KSR2: variants seen among roughly 807,000 people sequenced by gnomAD.
KSR2 encodes kinase suppressor of ras 2.
Under a neutral mutation model 107.8 loss-of-function variants are expected in KSR2, and 25 were observed. That is an observed-to-expected ratio of 0.23 (90% CI 0.17 to 0.32). The LOEUF is 0.32. Ranked by LOEUF, KSR2 falls within the 10% of genes least tolerant of loss-of-function variation. The pLI is 1.00. For synonymous variants in KSR2, 480 were observed against 507.0 expected, an observed-to-expected ratio of 0.95 and a Z score of 0.71; for missense variants, 887 against 1,268.9, an observed-to-expected ratio of 0.70 and a Z score of 4.57.
chr12:117,554,175 C>A (rs939486697), intron 9 of KSR2, among the ~76,000 whole-genome samples: 1 of 152,080 alleles, frequency 6.6e-6, no homozygotes, highest in African/African-American at 2.4e-5. Flanking sequence ...GCTGGGCATA[C>A]CCCCGGGATA....
intron 3 of KSR2, among the ~76,000 whole-genome samples, chr12:117,837,256 G>A (rs558773767): frequency 2.6e-5 from 4 of 152,248 alleles, no homozygotes; most frequent in Non-Finnish European, 5.9e-5. Context: ...TGCTGTAGCT[G>A]GGTCAAGCCC....
At chr12:117,690,697 A>G (rs1885777335) in intron 4 of KSR2, among the ~76,000 whole-genome samples, 2 of 152,250 alleles carry the variant, frequency 1.3e-5, no homozygotes, top group African/African-American at 4.8e-5. Flanking sequence ...GCTGTGTGTT[A>G]CTCATTTAAA....
chr12:117,593,536 C>T (rs902497096), intron 5 of KSR2, among the ~76,000 whole-genome samples: 5 of 152,236 alleles, frequency 3.3e-5, no homozygotes, highest in African/African-American at 9.6e-5. Context: ...CCCTCTTTTG[C>T]CCGAGTTGGA....
At chr12:117,688,998 A>G (rs1194574945) in intron 4 of KSR2, among the ~76,000 whole-genome samples, 1 of 152,112 alleles carries the variant, frequency 6.6e-6, no homozygotes, top group African/African-American at 2.4e-5. Context: ...AGATTCACAC[A>G]TATAGTCAAA....
chr12:117,936,499 CATTATTATTATTTTATTATT>C (rs1489809212), intron 1 of KSR2, among the ~76,000 whole-genome samples: 1 of 147,642 alleles, frequency 6.8e-6, no homozygotes, highest in Non-Finnish European at 1.5e-5. Context: ...GCTACTTTAT[CATTATTATTATTTTATTATT>C]ATTATTATTA....
chr12:117,717,751 C>A (rs1163758820), intron 4 of KSR2, among the ~76,000 whole-genome samples: 1 of 151,080 alleles, frequency 6.6e-6, no homozygotes, highest in African/African-American at 2.4e-5. Flanking sequence ...CTGTCCTAAT[C>A]AGCTTACTCC....
chr12:117,618,735 G>C (rs1387487576), intron 5 of KSR2, among the ~76,000 whole-genome samples: 1 of 152,066 alleles, frequency 6.6e-6, no homozygotes, highest in African/African-American at 2.4e-5. Flanking sequence ...CACCATGTAA[G>C]AATGTAAGAC....
intron 3 of KSR2, among the ~76,000 whole-genome samples, chr12:117,825,921 G>T (rs968498603): frequency 1.4e-5 from 2 of 140,730 alleles, no homozygotes; most frequent in Middle Eastern, 3.6e-3. Context: ...GTGGATGGGT[G>T]GATGGGTGGG....
chr12:117,576,621 C>T (rs866197773), intron 7 of KSR2, among the ~76,000 whole-genome samples: 1 of 152,026 alleles, frequency 6.6e-6, no homozygotes, highest in Non-Finnish European at 1.5e-5. Flanking sequence ...CCCCAGCCTC[C>T]CAAGTATCTA....
intron 1 of KSR2, among the ~76,000 whole-genome samples, chr12:117,939,176 C>G (rs925247750): frequency 6.6e-6 from 1 of 152,066 alleles, no homozygotes; most frequent in South Asian, 2.1e-4. Context: ...TCAGGAAATA[C>G]CTGATTGAGG....
chr12:117,530,022 A>G (rs1214001126), intron 12 of KSR2, among the ~76,000 whole-genome samples: 3 of 152,154 alleles, frequency 2.0e-5, no homozygotes, highest in African/African-American at 7.2e-5. Flanking sequence ...CTCTGTCTCA[A>G]AACAAACAAA....
chr12:117,835,755 T>G (rs1892182876), intron 3 of KSR2, among the ~76,000 whole-genome samples: 1 of 151,974 alleles, frequency 6.6e-6, no homozygotes, highest in African/African-American at 2.4e-5. Flanking sequence ...TTCCAAGGCA[T>G]GGGACAGTCC....
intron 5 of KSR2, among the ~76,000 whole-genome samples, chr12:117,625,897 T>C (rs540901279): frequency 2.0e-5 from 3 of 152,318 alleles, no homozygotes; most frequent in Admixed American, 2.0e-4. Flanking sequence ...ATTAGTCTAT[T>C]CAGAGATTCA....
rs192372406 is a variant in KSR2 at position 117,834,625 on chromosome 12, C to T, written c.472+20803G>A. Among the ~76,000 whole-genome samples, 112 of 152,270 alleles carry T rather than the reference C, an allele frequency of 7.4e-4. 1 individual carries two copies. Among genetic ancestry groups the T allele is most frequent in the African/African-American group, 2.7e-3 (111 of 41,562 alleles). ...GGGGTTTATTCTCCTAGAAAACTTC[C>T]CCTGACCTTGCTCGGGCTGCGGTGA... On this transcript the variant is annotated intron_variant, in intron 3 of 19. Transcript: ENST00000339824.
At chr12:117,678,449 G>A (rs1885233926) in intron 4 of KSR2, among the ~76,000 whole-genome samples, 1 of 152,074 alleles carries the variant, frequency 6.6e-6, no homozygotes, top group Non-Finnish European at 1.5e-5. Flanking sequence ...GACCTACATG[G>A]CTTCCTCCTC....
intron 9 of KSR2, among the ~76,000 whole-genome samples, chr12:117,541,696 T>C (rs951344093): frequency 6.6e-6 from 1 of 152,022 alleles, no homozygotes; most frequent in Non-Finnish European, 1.5e-5. Flanking sequence ...AGAGTAGGTG[T>C]GGCGAACACC....
chr12:117,897,541 G>A lies in KSR2; in HGVS notation c.181-37110C>T, dbSNP rs929493355. On this transcript the variant is annotated intron_variant, in intron 1 of 19. Transcript: ENST00000339824. This position sits in a 1 kb window ranked among gnomAD's most constrained non-coding sequence, Gnocchi z 4.5. ...GAGAGGGGCCGCACTCTGTCTTCAC[G>A]CTGTCCCCATTAGCTGGCTGAACAG... Among the ~76,000 whole-genome samples the A allele has an allele frequency of 1.3e-5, 2 of 152,104 alleles. No individual in the cohort carries two copies. The highest frequency in any genetic ancestry group is 1.3e-4 in the Admixed American group (2 of 15,268).
At chr12:117,592,061 T>C (rs1380212762) in intron 5 of KSR2, among the ~76,000 whole-genome samples, 2 of 151,706 alleles carry the variant, frequency 1.3e-5, no homozygotes, top group African/African-American at 4.8e-5. Context: ...CTAGTGAAGA[T>C]ATATTAATGT....
intron 3 of KSR2, among the ~76,000 whole-genome samples, chr12:117,819,384 T>A (rs1891485790): frequency 6.6e-6 from 1 of 152,190 alleles, no homozygotes; most frequent in Non-Finnish European, 1.5e-5. Context: ...GCGTCGTAGG[T>A]GCCTCAGGGA....
Sources: allele counts gnomAD v4.1 joint callset (sites outside exome capture counted in the v4.1 genomes callset), GRCh38; gene constraint gnomAD v4.1.1; non-coding constraint Gnocchi (gnomAD v3.1); transcripts MANE v1.5; gene names NCBI Gene and HGNC (gene_info 2026-07-23, HGNC 2026-07-21).